RABGEF1: variants seen among roughly 807,000 people sequenced by gnomAD.
RABGEF1 encodes rab5 GDP/GTP exchange factor.
A neutral mutation model predicts 57.3 loss-of-function variants in RABGEF1; 26 were observed. The ratio of observed to expected loss-of-function variants is 0.45; its 90% CI spans 0.33 to 0.63. The LOEUF is 0.63. RABGEF1 is among the 20% of genes least tolerant of loss of function. The pLI, the probability that RABGEF1 is intolerant of heterozygous loss-of-function variation, is 0.02. For missense variants in RABGEF1, 464 were observed against 607.6 expected, an observed-to-expected ratio of 0.76 and a Z score of 2.48; for synonymous variants, 185 against 210.7, an observed-to-expected ratio of 0.88 and a Z score of 1.06.
the RABGEF1 span, among the ~76,000 whole-genome samples, chr7:66,665,828 A>G: frequency 6.6e-6 from 1 of 152,148 alleles, no homozygotes; most frequent in Admixed American, 6.6e-5. Flanking sequence ...GGAGGTTCAG[A>G]CACGGTCTCA....
intron 2 of RABGEF1, among the ~76,000 whole-genome samples, chr7:66,718,267 C>T (rs1795626057): frequency 6.6e-6 from 1 of 152,148 alleles, no homozygotes; most frequent in South Asian, 2.1e-4. Flanking sequence ...ATTGCTTGAA[C>T]CTGGGAGGCA....
intron 1 of RABGEF1, among the ~76,000 whole-genome samples, chr7:66,697,504 C>G (rs1398037490): frequency 6.6e-6 from 1 of 152,210 alleles, no homozygotes; most frequent in East Asian, 1.9e-4. Context: ...CCCTTCCCTT[C>G]TCCCTGTCAA....
At position 66,797,411 on chromosome 7, in the gene RABGEF1, T is replaced by G; in HGVS notation, c.633T>G (p.Ile211Met). 6.2e-7 allele frequency: 1 copy of G among 1,611,670 alleles called. No individual in the cohort carries two copies. Among genetic ancestry groups the G allele is most frequent in the African/African-American group, 1.3e-5 (1 of 74,934 alleles). The part of the protein sequence containing the change: ...PERVEKIMDQ[I>M]EKYIMTRLYK... ...GAGTCGAGAAGATAATGGATCAGAT[T>G]GAAAAGTACATCATGACTCGTCTCT... Residue 211 changes from isoleucine (I) to methionine (M), a missense_variant, in exon 6 of 9, where the codon ATT becomes ATG. By Grantham distance (10) the Ile-to-Met change is conservative. Coordinates refer to ENST00000284957, the MANE Select transcript of RABGEF1 (RefSeq NM_014504.3).
chr7:66,717,044 G>T (rs1263459955), intron 2 of RABGEF1, among the ~76,000 whole-genome samples: 1 of 152,248 alleles, frequency 6.6e-6, no homozygotes, highest in Non-Finnish European at 1.5e-5. Context: ...CTCCCAAAGT[G>T]CTGGGATTAC....
intron 1 of RABGEF1, among the ~76,000 whole-genome samples, chr7:66,746,715 C>T (rs1299922642): frequency 1.3e-5 from 2 of 151,206 alleles, no homozygotes; most frequent in East Asian, 1.9e-4. Flanking sequence ...CTTCCACCTC[C>T]CCGGTTCAAG....
At chr7:66,712,987 T>G (rs1477661537) in intron 2 of RABGEF1, among the ~76,000 whole-genome samples, 5 of 151,752 alleles carry the variant, frequency 3.3e-5, no homozygotes, top group African/African-American at 1.2e-4. Flanking sequence ...TAATTTTATT[T>G]TATATTTTGT....
intron 6 of RABGEF1, among the ~76,000 whole-genome samples, chr7:66,798,273 G>A (rs987080121): frequency 2.0e-5 from 3 of 152,186 alleles, no homozygotes; most frequent in African/African-American, 7.2e-5. Context: ...CCCCAGCACT[G>A]TGTACTCCAG....
intron 2 of RABGEF1, among the ~76,000 whole-genome samples, chr7:66,731,478 AG>A (rs1797306933): frequency 6.6e-6 from 1 of 151,980 alleles, no homozygotes; most frequent in South Asian, 2.1e-4. Flanking sequence ...GCAGTTTGGG[AG>A]GCCACCGCAG....
chr7:66,673,418 C>G, the RABGEF1 span, among the ~76,000 whole-genome samples: 1 of 151,936 alleles, frequency 6.6e-6, no homozygotes, highest in East Asian at 1.9e-4. Flanking sequence ...GGTGTAGAGT[C>G]AGTCATGGCT....
intron 1 of RABGEF1, among the ~76,000 whole-genome samples, chr7:66,742,984 A>G (rs1461087111): frequency 6.6e-6 from 1 of 152,080 alleles, no homozygotes; most frequent in Non-Finnish European, 1.5e-5. Context: ...GAACCAGGGG[A>G]AGTTTTTTAG....
chr7:66,745,733 C>T (rs961463768), intron 1 of RABGEF1, among the ~76,000 whole-genome samples: 2 of 149,532 alleles, frequency 1.3e-5, no homozygotes, highest in African/African-American at 4.9e-5. Context: ...TGTGCCACTG[C>T]ACTCCAGCTT....
At chr7:66,719,454 C>G (rs1406201662) in intron 2 of RABGEF1, among the ~76,000 whole-genome samples, 4 of 152,170 alleles carry the variant, frequency 2.6e-5, no homozygotes, top group Admixed American at 1.3e-4. Context: ...CCTCGGCCCC[C>G]CGCAGTGTGC....
upstream of RABGEF1, among the ~76,000 whole-genome samples, chr7:66,738,030 T>TTTTTTTTTTTTTTTTTTTG (rs1562756395): frequency 2.0e-5 from 3 of 146,892 alleles, 1 homozygote; most frequent in African/African-American, 7.6e-5. Flanking sequence ...TTTGTTTTTT[T>TTTTTTTTTTTTTTTTTTTG]TTTTTTTTGA....
At chr7:66,670,470 G>A in the RABGEF1 span, among the ~76,000 whole-genome samples, 94,578 of 138,802 alleles carry the variant, frequency 0.68, 32,096 homozygotes, top group African/African-American at 0.78. Flanking sequence ...TTTTTGGCTA[G>A]AGGACACAAA....
chr7:66,765,876 G>A (rs1242814063), intron 1 of RABGEF1, among the ~76,000 whole-genome samples: 1 of 152,130 alleles, frequency 6.6e-6, no homozygotes, highest in Non-Finnish European at 1.5e-5. Flanking sequence ...GATAACATGG[G>A]AGGTTATGTG....
rs61758776 is a variant in RABGEF1, at chr7:66,799,383, A to T, written c.789A>T (p.Glu263Asp). The change falls in exon 7 of 9, where the codon GAA becomes GAT. Residue 263 changes from glutamate (E) to aspartate (D), a missense_variant. Around this residue, in one of 4 missense-constraint regions of RABGEF1, gnomAD observed 284 missense variants for 389.9 expected, o/e 0.73. Coordinates refer to ENST00000284957, the MANE Select transcript of RABGEF1 (RefSeq NM_014504.3). The stretch of plus-strand genomic sequence containing the variant: ...TCCCTGTTAATGAAGACATCCCAGA[A>T]GTGTCTGATATGGTGGTGAAGGCGA... ...LCVPVNEDIPEVSDMVVKAIT... is the reference protein window; with the variant it reads ...LCVPVNEDIPDVSDMVVKAIT... 9.4e-4 allele frequency: 1,512 copies of T among 1,612,042 alleles called. 14 individuals carry two copies. The highest frequency in any genetic ancestry group is 1.4e-3 in the East Asian group (65 of 44,868).
chr7:66,723,769 G>A (rs1300536504), intron 2 of RABGEF1, among the ~76,000 whole-genome samples: 2 of 140,668 alleles, frequency 1.4e-5, no homozygotes, highest in African/African-American at 2.5e-5. Context: ...TAGTAGTGAC[G>A]GGGTTTCACC....
chr7:66,804,395 T>C (rs1241503809), intron 7 of RABGEF1, among the ~76,000 whole-genome samples: 2 of 152,176 alleles, frequency 1.3e-5, no homozygotes, highest in African/African-American at 2.4e-5. Flanking sequence ...ATCAGACAAC[T>C]TCTTCCTTCT....
intron 2 of RABGEF1, among the ~76,000 whole-genome samples, chr7:66,720,676 A>G (rs964569377): frequency 1.3e-5 from 2 of 152,268 alleles, no homozygotes; most frequent in South Asian, 2.1e-4. Flanking sequence ...TGCATTTAGC[A>G]TAGTACTAGA....
Sources: gnomAD v4.1 joint callset for allele counts (sites outside exome capture counted in the v4.1 genomes callset) on GRCh38, gnomAD v4.1.1 for gene constraint, gnomAD v4.1.1 regional missense constraint, MANE v1.5 for transcripts, NCBI Gene and HGNC (gene_info 2026-07-23, HGNC 2026-07-21) for gene names.